Variants in PAPPA2 observed in about 807,000 individuals in gnomAD.
The protein encoded by PAPPA2 is pappalysin 2, also known as pappalysin-2.
In PAPPA2, 86 loss-of-function variants were observed where a neutral mutation model predicts 176.4. That is an observed-to-expected ratio of 0.49 (90% confidence interval 0.41 to 0.58). The LOEUF (loss-of-function observed/expected upper bound fraction) is 0.58, where lower values mean the gene tolerates loss of function less well. PAPPA2 is among the 20% of genes least tolerant of loss of function. The pLI, the probability that PAPPA2 is intolerant of heterozygous loss-of-function variation, is 0.00. For missense variants in PAPPA2, 2,073 were observed against 2,256.9 expected (o/e 0.92, Z 1.65); for synonymous variants, 809 against 852.2 (o/e 0.95, Z 0.88).
At chr1:176,777,173 C>G (rs1664492241) in intron 17 of PAPPA2, among the ~76,000 whole-genome samples, 1 of 152,100 alleles carries the variant, frequency 6.6e-6, no homozygotes, top group Non-Finnish European at 1.5e-5. Flanking sequence ...AGAAGAGCAA[C>G]ACTTTGGTAA....
At chr1:176,712,360 T>G (rs1003203712) in intron 12 of PAPPA2, among the ~76,000 whole-genome samples, 27 of 152,136 alleles carry the variant, frequency 1.8e-4, no homozygotes, top group Non-Finnish European at 3.5e-4. Flanking sequence ...ATTACACCAC[T>G]GAGGTGGATA....
chr1:176,820,701 A>G (rs1300701453), intron 21 of PAPPA2, among the ~76,000 whole-genome samples: 1 of 151,940 alleles, frequency 6.6e-6, no homozygotes, highest in East Asian at 1.9e-4. Flanking sequence ...TCCTACACCC[A>G]CAGCATGTGC....
At chr1:176,752,342 T>A (rs917394556) in intron 14 of PAPPA2, among the ~76,000 whole-genome samples, 235 of 96,154 alleles carry the variant, frequency 2.4e-3, no homozygotes, top group Non-Finnish European at 3.3e-3. Context: ...TAGAGTATAA[T>A]AAAAAAAAAA....
chr1:176,773,097 A>C (rs1262380643), intron 17 of PAPPA2, among the ~76,000 whole-genome samples: 1 of 152,186 alleles, frequency 6.6e-6, no homozygotes, highest in Non-Finnish European at 1.5e-5. Flanking sequence ...TTGTGGACAC[A>C]GCTTTTCTGA....
At chr1:176,575,345 T>C (rs1652584098) in intron 2 of PAPPA2, among the ~76,000 whole-genome samples, 1 of 152,234 alleles carries the variant, frequency 6.6e-6, no homozygotes, top group Admixed American at 6.5e-5. Flanking sequence ...ATTATTATTA[T>C]AATTTTTTAA....
chr1:176,578,556 G>A (rs2102624423), intron 2 of PAPPA2, among the ~76,000 whole-genome samples: 1 of 152,234 alleles, frequency 6.6e-6, no homozygotes, highest in East Asian at 1.9e-4. Flanking sequence ...GTCTAAGATA[G>A]GCTCTTGTCA....
At chr1:176,487,757 G>T (rs1652710896) in intron 1 of PAPPA2, among the ~76,000 whole-genome samples, 1 of 152,158 alleles carries the variant, frequency 6.6e-6, no homozygotes, top group African/African-American at 2.4e-5. Flanking sequence ...TTCCCCAAAA[G>T]GGTTTAGAGT....
chr1:176,741,029 G>A (rs1662655707), intron 14 of PAPPA2, among the ~76,000 whole-genome samples: 1 of 152,106 alleles, frequency 6.6e-6, no homozygotes, highest in Non-Finnish European at 1.5e-5. Flanking sequence ...AGGCATCCCA[G>A]ATACTCAGAC....
chr1:176,800,016 A>G (rs1411083902), intron 20 of PAPPA2, 45 bp from the exon 21 acceptor site: 2 of 1,606,352 alleles, frequency 1.2e-6, no homozygotes, highest in African/African-American at 1.3e-5. Context: ...ACACACAACA[A>G]ATGTCTTTAA....
chr1:176,784,129 A>G (rs193225209), intron 17 of PAPPA2, among the ~76,000 whole-genome samples: 208 of 152,332 alleles, frequency 1.4e-3, no homozygotes, highest in African/African-American at 4.9e-3. Flanking sequence ...TTTAGCTGAC[A>G]GACAGCAAGT....
intron 2 of PAPPA2, among the ~76,000 whole-genome samples, chr1:176,582,081 G>A (rs1287158594): frequency 2.0e-5 from 3 of 151,344 alleles, no homozygotes; most frequent in Non-Finnish European, 4.4e-5. Context: ...CCGCCACCAC[G>A]CCCGGCTAAT....
chr1:176,474,702 A>G (rs981250194), intron 1 of PAPPA2, among the ~76,000 whole-genome samples: 1 of 152,238 alleles, frequency 6.6e-6, no homozygotes, highest in African/African-American at 2.4e-5. Context: ...ATAGCTTCAT[A>G]TAAAAGCTAA....
chr1:176,805,991 C>CAAAA (rs11439850), intron 21 of PAPPA2, among the ~76,000 whole-genome samples: 18 of 76,554 alleles, frequency 2.4e-4, no homozygotes, highest in African/African-American at 6.9e-4. Flanking sequence ...CTGTCTCTCT[C>CAAAA]AAAAAAAAAA....
At chr1:176,803,116 T>C (rs1250764959) in intron 21 of PAPPA2, among the ~76,000 whole-genome samples, 2 of 152,130 alleles carry the variant, frequency 1.3e-5, no homozygotes, top group Non-Finnish European at 2.9e-5. Flanking sequence ...AAACTGCATA[T>C]GGGCAAGGAA....
At position 176,690,440 on chromosome 1, in the gene PAPPA2, C is replaced by T; in HGVS notation, c.2431+10C>T. The T allele has an allele frequency of 6.2e-7, 1 of 1,611,256 alleles. No homozygotes were observed. The highest frequency in any genetic ancestry group is 8.5e-7 in the Non-Finnish European group (1 of 1,177,618). Reference sequence around the variant, plus strand: ...TACATGAGCTACACGGGTATCACCACTGTCTTGTTTTGTTTTCTGTTAAGA... The same window carrying T: ...TACATGAGCTACACGGGTATCACCATTGTCTTGTTTTGTTTTCTGTTAAGA... On this transcript the variant is annotated intron_variant, in intron 5 of 22. Coordinates refer to ENST00000367662, the MANE Select transcript of PAPPA2 (RefSeq NM_020318.3).
intron 17 of PAPPA2, among the ~76,000 whole-genome samples, chr1:176,781,364 G>GTTT (rs1263486001): frequency 1.3e-5 from 1 of 77,668 alleles, no homozygotes; most frequent in African/African-American, 5.4e-5. Flanking sequence ...TTTGTAAGGG[G>GTTT]CTTTTTTTTT....
chr1:176,659,155 A>G (rs991278687), intron 3 of PAPPA2, among the ~76,000 whole-genome samples: 1 of 151,974 alleles, frequency 6.6e-6, no homozygotes, highest in Non-Finnish European at 1.5e-5. Flanking sequence ...CTGTTGATTG[A>G]GGTCATGAGG....
intron 1 of PAPPA2, among the ~76,000 whole-genome samples, chr1:176,548,903 G>T (rs1650782136): frequency 6.6e-6 from 1 of 152,162 alleles, no homozygotes; most frequent in African/African-American, 2.4e-5. Flanking sequence ...TTCATGCTGG[G>T]AGTCAAATCA....
chr1:176,762,839 A>G (rs1053671081), intron 14 of PAPPA2, among the ~76,000 whole-genome samples: 1 of 152,174 alleles, frequency 6.6e-6, no homozygotes, highest in African/African-American at 2.4e-5. Flanking sequence ...TTCTTCCTTC[A>G]TCAGGTCTCA....
Sources: gnomAD v4.1 joint callset for allele counts (sites outside exome capture counted in the v4.1 genomes callset) on GRCh38, gnomAD v4.1.1 for gene constraint, MANE v1.5 for transcripts, NCBI Gene and HGNC (gene_info 2026-07-23, HGNC 2026-07-21) for gene names.